CAST: variants seen among roughly 807,000 people sequenced by gnomAD.
CAST encodes calpastatin.
A neutral mutation model predicts 119.6 loss-of-function variants in CAST; 76 were observed. That is an observed-to-expected ratio of 0.64 (90% CI 0.53 to 0.77). The LOEUF (loss-of-function observed/expected upper bound fraction) is 0.77, where lower values mean the gene tolerates loss of function less well. Ranked by LOEUF, CAST falls within the 30% of genes least tolerant of loss-of-function variation. CAST has a pLI of 0.00. For missense variants in CAST, 953 were observed against 946.5 expected (o/e 1.01, Z -0.09); for synonymous variants, 319 against 331.6 (o/e 0.96, Z 0.41).
the CAST span, among the ~76,000 whole-genome samples, chr5:96,376,613 G>A: frequency 1.3e-5 from 2 of 151,960 alleles, no homozygotes; most frequent in African/African-American, 4.8e-5. Context: ...GTTAATTTTT[G>A]TATGTTAACT....
the CAST span, among the ~76,000 whole-genome samples, chr5:96,036,033 A>T: frequency 2.7e-4 from 41 of 151,922 alleles, no homozygotes; most frequent in Middle Eastern, 3.4e-3. Context: ...AGTGAAACTG[A>T]TTGGTTTAGG....
chr5:95,978,784 C>T, the CAST span, among the ~76,000 whole-genome samples: 55 of 152,120 alleles, frequency 3.6e-4, no homozygotes, highest in African/African-American at 1.3e-3. Context: ...TGTCCTACAA[C>T]ATAATATTTT....
chr5:96,020,010 T>C, the CAST span, among the ~76,000 whole-genome samples: 1 of 152,220 alleles, frequency 6.6e-6, no homozygotes, highest in African/African-American at 2.4e-5. Flanking sequence ...ACAATTCATT[T>C]TTTTCTATAT....
At chr5:96,214,437 T>C in the CAST span, among the ~76,000 whole-genome samples, 3 of 152,196 alleles carry the variant, frequency 2.0e-5, no homozygotes, top group Non-Finnish European at 2.9e-5. Context: ...TACCTTATTA[T>C]TGTTACTACC....
the CAST span, chr5:96,432,135 T>A: frequency 6.5e-7 from 1 of 1,535,750 alleles, no homozygotes; most frequent in Non-Finnish European, 8.7e-7. Context: ...CAGTTCGGCA[T>A]CTCGACCCTG....
At chr5:96,234,756 G>A in the CAST span, among the ~76,000 whole-genome samples, 5 of 152,112 alleles carry the variant, frequency 3.3e-5, no homozygotes, top group East Asian at 3.9e-4. Context: ...GCAGACTTAC[G>A]TTTATATCTC....
the CAST span, among the ~76,000 whole-genome samples, chr5:96,091,795 T>C: frequency 1.3e-5 from 2 of 152,178 alleles, no homozygotes; most frequent in Non-Finnish European, 2.9e-5. Flanking sequence ...TGAGCCATCG[T>C]ACCTGGCCCT....
the CAST span, among the ~76,000 whole-genome samples, chr5:96,082,548 A>T: frequency 2.0e-5 from 3 of 152,208 alleles, no homozygotes; most frequent in African/African-American, 7.2e-5. Flanking sequence ...TAAGAAGGAA[A>T]ATTCATTTCT....
At chr5:96,416,223 G>A in the CAST span, 2 of 802,140 alleles carry the variant, frequency 2.5e-6, no homozygotes, top group Non-Finnish European at 4.3e-6. Flanking sequence ...CTTTTTGTCG[G>A]CCTTGTTACT....
At chr5:96,667,904 A>G (rs1333928218) in intron 1 of CAST, among the ~76,000 whole-genome samples, 1 of 152,148 alleles carries the variant, frequency 6.6e-6, no homozygotes, top group Non-Finnish European at 1.5e-5. Flanking sequence ...AATTCCAGCT[A>G]CTCAGGAGGC....
At chr5:96,337,972 A>T in the CAST span, among the ~76,000 whole-genome samples, 1 of 151,220 alleles carries the variant, frequency 6.6e-6, no homozygotes, top group East Asian at 1.9e-4. Context: ...AAAACTTTTA[A>T]TTTTTTTTTT....
chr5:96,273,535 A>G, the CAST span, among the ~76,000 whole-genome samples: 1 of 152,224 alleles, frequency 6.6e-6, no homozygotes, highest in Non-Finnish European at 1.5e-5. Flanking sequence ...TGACAAAGGT[A>G]TATAGAAGTA....
chr5:96,115,945 A>C, the CAST span, among the ~76,000 whole-genome samples: 1 of 142,848 alleles, frequency 7.0e-6, no homozygotes, highest in Non-Finnish European at 1.5e-5. Flanking sequence ...TTTTAGCTTT[A>C]TTGAGGTATG....
chr5:96,336,269 A>C, the CAST span, among the ~76,000 whole-genome samples: 1 of 152,180 alleles, frequency 6.6e-6, no homozygotes, highest in Non-Finnish European at 1.5e-5. Context: ...TTACTTGCAC[A>C]TTTACCAATA....
At chr5:96,354,697 T>C in the CAST span, among the ~76,000 whole-genome samples, 38 of 148,998 alleles carry the variant, frequency 2.6e-4, no homozygotes, top group Non-Finnish European at 3.4e-4. Flanking sequence ...ATATATAATA[T>C]AAATTATGCA....
chr5:96,132,332 A>G, the CAST span, among the ~76,000 whole-genome samples: 1 of 152,160 alleles, frequency 6.6e-6, no homozygotes, highest in Non-Finnish European at 1.5e-5. Context: ...ATATTTTGAT[A>G]CATTTGTACA....
the CAST span, among the ~76,000 whole-genome samples, chr5:96,349,233 A>C: frequency 6.7e-5 from 10 of 149,994 alleles, no homozygotes; most frequent in East Asian, 2.0e-3. Flanking sequence ...ACTAAAATAA[A>C]TCTCAGCTGG....
At chr5:96,449,016 A>T in the CAST span, among the ~76,000 whole-genome samples, 2 of 152,174 alleles carry the variant, frequency 1.3e-5, no homozygotes, top group East Asian at 3.8e-4. Flanking sequence ...AGCCTGCCCC[A>T]TATCCAGCTT....
the CAST span, among the ~76,000 whole-genome samples, chr5:96,016,341 G>A: frequency 9.9e-5 from 15 of 152,156 alleles, no homozygotes; most frequent in African/African-American, 3.6e-4. Flanking sequence ...CTTTGTATAT[G>A]GCAAATTAGG....
Sources: gnomAD v4.1 joint callset for allele counts (sites outside exome capture counted in the v4.1 genomes callset) on GRCh38, gnomAD v4.1.1 for gene constraint, MANE v1.5 for transcripts, NCBI Gene and HGNC (gene_info 2026-07-23, HGNC 2026-07-21) for gene names.